The following RDH10 variants were observed in gnomAD, a reference collection of about 807,000 sequenced individuals.
RDH10 encodes retinol dehydrogenase 10, also known as retinol dehydrogenase 10 (all-trans).
In RDH10, 12 loss-of-function variants were observed where a neutral mutation model predicts 30.2. That is an observed-to-expected ratio of 0.40 (90% CI 0.25 to 0.64). RDH10 has a LOEUF of 0.64. Among genes scored for constraint, RDH10 ranks in the 30% least tolerant of loss-of-function variants. The pLI is 0.43. For synonymous variants in RDH10, 189 were observed against 172.2 expected, an observed-to-expected ratio of 1.10 and a Z score of -0.76; for missense variants, 268 against 445.2, an observed-to-expected ratio of 0.60 and a Z score of 3.58.
intron 3 of RDH10, among the ~76,000 whole-genome samples, 199 bp downstream of exon 3, chr8:73,319,393 C>T (rs774243950): frequency 1.3e-5 from 2 of 152,080 alleles, no homozygotes; most frequent in Non-Finnish European, 2.9e-5. Context: ...GGTGTGGTGG[C>T]GCACACCTGT....
At chr8:73,300,566 T>C (rs1199269312) in intron 2 of RDH10, 1 of 152,224 alleles carries the variant, frequency 6.6e-6, no homozygotes, top group East Asian at 1.9e-4. Context: ...GAACCAGACA[T>C]TTAAGTAACC....
chr8:73,323,140 T>G lies in RDH10; in HGVS notation c.*104T>G. On this transcript the variant is annotated 3_prime_UTR_variant, in exon 6 of 6. Coordinates refer to ENST00000240285, the MANE Select transcript of RDH10 (RefSeq NM_172037.5). ...CATTTTATGGATTCTAAACTTGTGT[T>G]GTTTCTTTTTTAAATCAACTTTTTA... is the stretch of plus-strand genomic sequence containing the variant. 2 of 955,102 alleles carry G rather than the reference T, an allele frequency of 2.1e-6. No homozygotes were observed. The highest frequency in any genetic ancestry group is 2.3e-5 in the Admixed American group (1 of 42,732). The allele number at this position is 955,102 out of a possible 1,614,324, so 59.2% of individuals were successfully genotyped here.
At chr8:73,302,483 C>T (rs1814396703) in intron 2 of RDH10, among the ~76,000 whole-genome samples, 1 of 152,116 alleles carries the variant, frequency 6.6e-6, no homozygotes, top group Non-Finnish European at 1.5e-5. Context: ...CCCAGGAGTT[C>T]AAGACCAGCG....
Position 73,323,040 on chromosome 8 carries a change from T to C in RDH10, c.*4T>C. 1 of 1,610,126 alleles carries C rather than the reference T, an allele frequency of 6.2e-7. No homozygotes were observed. Among genetic ancestry groups the C allele is most frequent in the Non-Finnish European group, 8.5e-7 (1 of 1,176,542 alleles). The stretch of plus-strand genomic sequence containing the variant: ...TGAAGCAAAAAATGGAATCTAAGAA[T>C]CTTTTTGTATGGAATATTACTTCTA... On this transcript the variant is annotated 3_prime_UTR_variant, in exon 6 of 6. Coordinates refer to ENST00000240285, the MANE Select transcript of RDH10 (RefSeq NM_172037.5).
chr8:73,320,482 T>TTTTGTTTTTG (rs1563552538), intron 3 of RDH10, among the ~76,000 whole-genome samples: 6 of 144,434 alleles, frequency 4.2e-5, no homozygotes, highest in African/African-American at 1.7e-4. Context: ...TTTGTTTTTT[T>TTTTGTTTTTG]TTTTTTGAGA....
At chr8:73,308,753 T>G (rs1814506041) in intron 2 of RDH10, among the ~76,000 whole-genome samples, 1 of 152,174 alleles carries the variant, frequency 6.6e-6, no homozygotes, top group Non-Finnish European at 1.5e-5. Flanking sequence ...TGGCATTGAT[T>G]TGAACCAGGC....
chr8:73,296,898 G>A, intron 1 of RDH10: 1 of 381,336 alleles, frequency 2.6e-6, no homozygotes, highest in Non-Finnish European at 5.0e-6. Flanking sequence ...CTTTGCAGGT[G>A]TCTTTAGCTC....
At position 73,294,743 on chromosome 8, in the gene RDH10, C is replaced by A; in HGVS notation, c.-547C>A. On this transcript the variant is annotated 5_prime_UTR_variant, in exon 1 of 6. Coordinates refer to ENST00000240285, the MANE Select transcript of RDH10 (RefSeq NM_172037.5). ...AGGCGTTGGGCAGCGCTTGCCTGCG[C>A]CGAGCGAGTCTCCCCTTCCCGGCGC... 1 of 367,294 alleles carries A rather than the reference C, an allele frequency of 2.7e-6. No homozygotes were observed. The highest frequency in any genetic ancestry group is 4.9e-6 in the Non-Finnish European group (1 of 206,066). The allele number at this position is 367,294 out of a possible 1,614,324, so 22.8% of individuals were successfully genotyped here.
chr8:73,297,221 C>T lies in RDH10; in HGVS notation c.317C>T (p.Pro106Leu). Reference sequence around the variant, plus strand: ...GGGAATGGTGAGGAAGAAATTCTGCCCCACTGTAACTTGCAGGTTTTTACC... The same window carrying T: ...GGGAATGGTGAGGAAGAAATTCTGCTCCACTGTAACTTGCAGGTTTTTACC... ...QAGNGEEEIL[P>L]HCNLQVFTYT... The change falls in exon 2 of 6, where the codon CCC becomes CTC. Residue 106 changes from proline to leucine, a missense_variant. This residue lies in a region of RDH10 where 46 missense variants were observed against 36.7 expected (regional missense o/e 1.25). Coordinates refer to ENST00000240285, the MANE Select transcript of RDH10 (RefSeq NM_172037.5). 6.2e-7 allele frequency: 1 copy of T among 1,612,870 alleles called. No homozygotes were observed. Among genetic ancestry groups the T allele is most frequent in the Non-Finnish European group, 8.5e-7 (1 of 1,178,880 alleles).
At chr8:73,303,968 A>G (rs1814424951) in intron 2 of RDH10, among the ~76,000 whole-genome samples, 1 of 152,226 alleles carries the variant, frequency 6.6e-6, no homozygotes, top group South Asian at 2.1e-4. Flanking sequence ...TTAAAAAATA[A>G]CTGCTAAATA....
intron 2 of RDH10, among the ~76,000 whole-genome samples, chr8:73,299,286 C>T (rs1814336226): frequency 6.6e-6 from 1 of 152,164 alleles, no homozygotes; most frequent in African/African-American, 2.4e-5. Context: ...AATTAAAGTC[C>T]TTGCTGTGGC....
chr8:73,315,645 T>A, intron 2 of RDH10: 1 of 452,838 alleles, frequency 2.2e-6, no homozygotes, highest in South Asian at 1.6e-5. Flanking sequence ...AGGGAAGTCA[T>A]TACAGCCAAC....
chr8:73,301,213 G>A (rs1341296732), intron 2 of RDH10, among the ~76,000 whole-genome samples: 1 of 150,060 alleles, frequency 6.7e-6, no homozygotes, highest in African/African-American at 2.4e-5. Flanking sequence ...ACCACGCCTG[G>A]CTAATTTTTT....
intron 2 of RDH10, among the ~76,000 whole-genome samples, chr8:73,304,274 C>T (rs554594606): frequency 6.6e-6 from 1 of 152,318 alleles, no homozygotes; most frequent in Admixed American, 6.5e-5. Context: ...GCATTATCTT[C>T]ACCTCTCCAG....
chr8:73,314,803 A>G (rs1353579028), intron 2 of RDH10, among the ~76,000 whole-genome samples: 2 of 152,218 alleles, frequency 1.3e-5, no homozygotes, highest in Non-Finnish European at 2.9e-5. Context: ...GAGCCTTTCA[A>G]ATAAAAAATA....
At chr8:73,303,172 C>A (rs536908138) in intron 2 of RDH10, among the ~76,000 whole-genome samples, 20 of 152,190 alleles carry the variant, frequency 1.3e-4, no homozygotes, top group African/African-American at 4.6e-4. Flanking sequence ...TAAAATCTAT[C>A]CAGGAAAAGT....
intron 4 of RDH10, 176 bp from the exon 5 acceptor site, chr8:73,322,503 A>G (rs1027953770): frequency 1.0e-5 from 6 of 590,788 alleles, no homozygotes; most frequent in Admixed American, 3.4e-5. Flanking sequence ...GACTGTGCCA[A>G]TAAAATGTGT....
rs760868299 is a variant in RDH10, at chr8:73,323,047, G to T, written c.*11G>T. ...AAAAATGGAATCTAAGAATCTTTTT[G>T]TATGGAATATTACTTCTATCAGAAG... On this transcript the variant is annotated 3_prime_UTR_variant, in exon 6 of 6. Coordinates refer to ENST00000240285, the MANE Select transcript of RDH10 (RefSeq NM_172037.5). The T allele has an allele frequency of 1.2e-6, 2 of 1,605,058 alleles. No homozygotes were observed. The highest frequency in any genetic ancestry group is 1.3e-5 in the African/African-American group (1 of 74,756).
rs1814551863 is a variant in RDH10 at position 73,310,891 on chromosome 8, A to C, written c.526-8205A>C. ...TGGACTCAAGTAAAACGGAAGAAGGATGATTGTTTCAAATAATTTGTAATT... is the reference window on the plus strand; with the variant it reads ...TGGACTCAAGTAAAACGGAAGAAGGCTGATTGTTTCAAATAATTTGTAATT... On this transcript the variant is annotated intron_variant, in intron 2 of 5. Transcript: ENST00000240285. 4 of 152,216 alleles carry C rather than the reference A, an allele frequency of 2.6e-5. No individual in the cohort carries two copies. In the South Asian group the frequency reaches 8.3e-4, roughly 32 times the overall value. 9.4% of individuals were successfully genotyped at this position (152,216 alleles called of 1,614,324 possible). A position where few individuals can be genotyped will look rare whatever the true frequency, so the allele number is the denominator to read the frequency against.
Sources: gnomAD v4.1 joint callset for allele counts (sites outside exome capture counted in the v4.1 genomes callset) on GRCh38, gnomAD v4.1.1 for gene constraint, gnomAD v4.1.1 regional missense constraint, MANE v1.5 for transcripts, NCBI Gene and HGNC (gene_info 2026-07-23, HGNC 2026-07-21) for gene names.